Variants in ARAP3 observed in about 807,000 individuals in gnomAD.
ARAP3 encodes ArfGAP with RhoGAP domain, ankyrin repeat and PH domain 3.
ARAP3 carries 82 observed loss-of-function variants against 169.2 expected under a neutral mutation model. The observed-to-expected ratio is 0.48, with a 90% confidence interval of 0.41 to 0.58. The LOEUF is 0.58. ARAP3 is among the 20% of genes least tolerant of loss of function. The probability of loss-of-function intolerance (pLI) is 0.00; values close to 1 mark genes in which losing one functional copy is unlikely to be tolerated. For missense variants in ARAP3, 1,764 were observed against 2,018.0 expected, an observed-to-expected ratio of 0.87 and a Z score of 2.41; for synonymous variants, 791 against 800.3, an observed-to-expected ratio of 0.99 and a Z score of 0.20.
At chr5:141,661,491 A>G (rs2099909970) in intron 21 of ARAP3, among the ~76,000 whole-genome samples, 193 bp downstream of exon 21, 1 of 152,242 alleles carries the variant, frequency 6.6e-6, no homozygotes, top group Admixed American at 6.5e-5. Context: ...ACACAGCTAG[A>G]ATGACGGCAC....
At position 141,679,531 on chromosome 5, in the gene ARAP3, T is replaced by C. The variant is rs1200488362; in HGVS notation, c.698+14A>G. 6.2e-7 allele frequency: 1 copy of C among 1,611,716 alleles called. No individual in the cohort carries two copies. Among genetic ancestry groups the C allele is most frequent in the Non-Finnish European group, 8.5e-7 (1 of 1,178,718 alleles). On this transcript the variant is annotated intron_variant, in intron 4 of 32. Transcript: ENST00000239440. Reference sequence around the variant, plus strand: ...CTGCTCCTCCCTCCCACCACTTCCCTATTTAGTACTCACCTGTGTTCAGCC... The same window carrying C: ...CTGCTCCTCCCTCCCACCACTTCCCCATTTAGTACTCACCTGTGTTCAGCC...
intron 18 of ARAP3, 54 bp from the exon 19 acceptor site, chr5:141,665,139 G>A: frequency 6.3e-7 from 1 of 1,575,904 alleles, no homozygotes; most frequent in East Asian, 2.2e-5. Context: ...CAGATGCATG[G>A]GGACCAGACT....
At chr5:141,659,994 T>C (rs2099909719) in intron 21 of ARAP3, 68 bp from the exon 22 acceptor site, 1 of 1,497,910 alleles carries the variant, frequency 6.7e-7, no homozygotes, top group Non-Finnish European at 9.0e-7. Context: ...TGAGTCCCTA[T>C]TGTATGCCTG....
In ARAP3 at chr5:141,654,201, G is replaced by T; in HGVS notation, c.4384C>A (p.Pro1462Thr). The change falls in exon 33 of 33, where the codon CCA (proline) becomes ACA (threonine). Residue 1462 changes from proline to threonine, a missense_variant. Coordinates refer to ENST00000239440, the MANE Select transcript of ARAP3 (RefSeq NM_022481.6). Reference protein sequence around the residue: ...KSSTLGQEERPPEPPPGPPSK... With the variant: ...KSSTLGQEERTPEPPPGPPSK... Reference sequence around the variant, plus strand: ...GGGGGGCCTGGAGGGGGCTCAGGTGGCCTCTCCTCCTGGCCAAGGGTGCTT... The same window carrying T: ...GGGGGGCCTGGAGGGGGCTCAGGTGTCCTCTCCTCCTGGCCAAGGGTGCTT... 1 of 1,614,088 alleles carries T rather than the reference G, an allele frequency of 6.2e-7. No homozygotes were observed. The highest frequency in any genetic ancestry group is 8.5e-7 in the Non-Finnish European group (1 of 1,179,982).
chr5:141,655,875 T>A lies in ARAP3; in HGVS notation c.3966A>T (p.Lys1322Asn). Residue 1322 changes from lysine to asparagine, a missense_variant, in exon 30 of 33, where the codon AAA (lysine) becomes AAT (asparagine). Coordinates refer to ENST00000239440, the MANE Select transcript of ARAP3 (RefSeq NM_022481.6). The stretch of plus-strand genomic sequence containing the variant: ...GCCTTTTCTTTCCCCTCACCTGGGC[T>A]TTAAGGATGCTGGTGGTCCAATCCC... ...EMWDWTTSIL[K>N]AQHDDQQPVV... 6.2e-7 allele frequency: 1 copy of A among 1,613,998 alleles called. No homozygotes were observed. Among genetic ancestry groups the A allele is most frequent in the Non-Finnish European group, 8.5e-7 (1 of 1,179,916 alleles).
Position 141,672,842 on chromosome 5 carries a change from G to A in ARAP3, c.1177C>T (p.Pro393Ser), listed in dbSNP as rs1322561672. 6 of 1,611,728 alleles carry A rather than the reference G, an allele frequency of 3.7e-6. No individual in the cohort carries two copies. Among genetic ancestry groups the A allele is most frequent in the Non-Finnish European group, 5.1e-6 (6 of 1,179,020 alleles). Reference sequence around the variant, plus strand: ...AGCATGCCCGTGCGGAGGGGTCGGGGTGGTTGGGGGGGCCGGGGGTGGCCC... The same window carrying A: ...AGCATGCCCGTGCGGAGGGGTCGGGATGGTTGGGGGGGCCGGGGGTGGCCC... ...LLGHPRPPQP[P>S]RPLRTGMLEL... Residue 393 changes from proline (P) to serine (S), a missense_variant, in exon 8 of 33, where the codon CCC (proline) becomes TCC (serine). By Grantham distance (74) the Pro-to-Ser change is moderately conservative (BLOSUM62 -1). This residue lies in a region of ARAP3 where 630 missense variants were observed against 678.7 expected (regional missense o/e 0.93). Coordinates refer to ENST00000239440, the MANE Select transcript of ARAP3 (RefSeq NM_022481.6). This position sits in a 1 kb window ranked among gnomAD's most constrained non-coding sequence, Gnocchi z 4.9.
At position 141,680,377 on chromosome 5, in the gene ARAP3, C is replaced by T. The variant is rs147783211; in HGVS notation, c.110G>A (p.Arg37Gln). Reference protein sequence around the residue: ...RHGLATAGAARGLGHEELKQL... With the variant: ...RHGLATAGAAQGLGHEELKQL... The stretch of plus-strand genomic sequence containing the variant: ...CTTCAACTCCTCGTGGCCCAGGCCC[C>T]GGGCTGCACCTGCTGTAGCCAGGCC... Residue 37 changes from arginine (R) to glutamine (Q), a missense_variant, in exon 2 of 33, where the codon CGG (arginine) becomes CAG (glutamine). Around this residue, in one of 3 missense-constraint regions of ARAP3, gnomAD observed 630 missense variants for 678.7 expected, o/e 0.93. Coordinates refer to ENST00000239440, the MANE Select transcript of ARAP3 (RefSeq NM_022481.6). 2.0e-5 allele frequency: 33 copies of T among 1,614,046 alleles called. No homozygotes were observed. The highest frequency in any genetic ancestry group is 1.6e-4 in the Middle Eastern group (1 of 6,084).
chr5:141,670,414 T>G, intron 14 of ARAP3, 98 bp downstream of exon 14: 1 of 1,315,740 alleles, frequency 7.6e-7, no homozygotes, highest in Non-Finnish European at 1.1e-6. Flanking sequence ...ATGGCCCCAC[T>G]TTCCCATCCC....
Position 141,672,855 on chromosome 5 carries a change from C to A in ARAP3, c.1164G>T (p.Arg388=). The A allele has an allele frequency of 6.2e-7, 1 of 1,606,090 alleles. No homozygotes were observed. ...LKEQRLLGHP[R]PPQPPRPLRT... is the part of the protein sequence containing the mutation. Reference sequence around the variant, plus strand: ...GGAGGGGTCGGGGTGGTTGGGGGGGCCGGGGGTGGCCCAGGAGGCGCTGCT... The same window carrying A: ...GGAGGGGTCGGGGTGGTTGGGGGGGACGGGGGTGGCCCAGGAGGCGCTGCT... The change falls in exon 8 of 33, where the codon CGG becomes CGT. Residue 388 remains arginine (R), a synonymous_variant. Transcript: ENST00000239440. This position sits in a 1 kb window ranked among gnomAD's most constrained non-coding sequence, Gnocchi z 4.9.
At chr5:141,665,224 G>C in intron 18 of ARAP3, 87 bp downstream of exon 18, 2 of 1,574,518 alleles carry the variant, frequency 1.3e-6, no homozygotes, top group Non-Finnish European at 1.7e-6. Context: ...CTTTGAGGAA[G>C]TGGGCAATGG....
chr5:141,673,034 CGAA>C lies in ARAP3; in HGVS notation c.1069_1071del (p.Phe357del). 2 of 1,614,180 alleles carry C rather than the reference CGAA, an allele frequency of 1.2e-6. No individual in the cohort carries two copies. Among genetic ancestry groups the C allele is most frequent in the Non-Finnish European group, 1.7e-6 (2 of 1,180,038 alleles). ...TCACCCTCGCTCTCTGTGCGGAACA[CGAA>C]CACCCTCTGGCCGGTGATGACCTGG... On this transcript the variant is annotated inframe_deletion, in exon 7 of 33. Coordinates refer to ENST00000239440, the MANE Select transcript of ARAP3 (RefSeq NM_022481.6).
At position 141,671,169 on chromosome 5, in the gene ARAP3, T is replaced by G; in HGVS notation, c.1990+96A>C. 1 of 1,477,630 alleles carries G rather than the reference T, an allele frequency of 6.8e-7. No individual in the cohort carries two copies. The highest frequency in any genetic ancestry group is 9.1e-7 in the Non-Finnish European group (1 of 1,094,650). 91.5% of individuals were successfully genotyped at this position (1,477,630 alleles called of 1,614,324 possible). Reference sequence around the variant, plus strand: ...TTGGGAAACTGCCCAGGCTGGGCCATTGTGATCAGCTAATTGGGGCCCCTT... The same window carrying G: ...TTGGGAAACTGCCCAGGCTGGGCCAGTGTGATCAGCTAATTGGGGCCCCTT... On this transcript the variant is annotated intron_variant, in intron 13 of 32. Transcript: ENST00000239440. The surrounding 1 kb of genome is among the most constrained non-coding windows in gnomAD (Gnocchi z 4.9).
chr5:141,659,766 A>G lies in ARAP3; in HGVS notation c.3267+13T>C. The G allele has an allele frequency of 6.2e-7, 1 of 1,606,604 alleles. No individual in the cohort carries two copies. The highest frequency in any genetic ancestry group is 2.2e-5 in the East Asian group (1 of 44,604). On this transcript the variant is annotated intron_variant, in intron 22 of 32. Transcript: ENST00000239440. Reference sequence around the variant, plus strand: ...GGAAAGGGGTTGTGGGTTAGGGGTCAGGAAAGCCTTACATCAAAGACAGAG... The same window carrying G: ...GGAAAGGGGTTGTGGGTTAGGGGTCGGGAAAGCCTTACATCAAAGACAGAG...
intron 16 of ARAP3, 193 bp from the exon 17 acceptor site, chr5:141,666,836 A>G: frequency 2.4e-6 from 1 of 415,452 alleles, no homozygotes; most frequent in Non-Finnish European, 4.2e-6. Context: ...ATGGTTGGAG[A>G]AAGACAGGAA....
chr5:141,670,663 A>C, intron 13 of ARAP3, 35 bp from the exon 14 acceptor site: 1 of 1,578,360 alleles, frequency 6.3e-7, no homozygotes. Flanking sequence ...AGGTCAACCA[A>C]GTGCAACGGG....
Position 141,672,682 on chromosome 5 carries a change from T to A in ARAP3, c.1279-24A>T. ...GCCTGGTGGGGTCAGGGGGTGGGCA[T>A]CATGAGGTGCCAGAAGGGACTAGTT... is the stretch of plus-strand genomic sequence containing the variant. On this transcript the variant is annotated intron_variant, in intron 8 of 32. Transcript: ENST00000239440. This position sits in a 1 kb window ranked among gnomAD's most constrained non-coding sequence, Gnocchi z 4.9. The A allele has an allele frequency of 6.2e-7, 1 of 1,613,774 alleles. No homozygotes were observed. Among genetic ancestry groups the A allele is most frequent in the Non-Finnish European group, 8.5e-7 (1 of 1,179,796 alleles).
chr5:141,657,734 G>A (rs371221784), intron 25 of ARAP3, among the ~76,000 whole-genome samples: 2 of 152,208 alleles, frequency 1.3e-5, no homozygotes, highest in South Asian at 4.1e-4. Flanking sequence ...ACAAAGGGAG[G>A]AGTCCCAGAG....
rs778104329 is a variant in ARAP3 at position 141,680,324 on chromosome 5, G to T, written c.163C>A (p.Arg55=). 3.1e-6 allele frequency: 5 copies of T among 1,614,120 alleles called. No homozygotes were observed. Among genetic ancestry groups the T allele is most frequent in the Non-Finnish European group, 2.5e-6 (3 of 1,180,050 alleles). ...KQLGISATGH[R]KRILRLLQTG... ...TGTAGCAGGCGTAGAATGCGTTTCC[G>T]GTGCCCTGTGGCGCTGATGCCCAAC... is the stretch of plus-strand genomic sequence containing the variant. The change falls in exon 2 of 33, where the codon CGG becomes AGG. Residue 55 remains arginine, a synonymous_variant. Transcript: ENST00000239440.
At position 141,656,610 on chromosome 5, in the gene ARAP3, C is replaced by T; in HGVS notation, c.3683G>A (p.Gly1228Glu). Residue 1228 changes from glycine to glutamate, a missense_variant, in exon 27 of 33, where the codon GGG (glycine) becomes GAG (glutamate). Around this residue, in one of 3 missense-constraint regions of ARAP3, gnomAD observed 1,112 missense variants for 1,285.7 expected, o/e 0.86. Coordinates refer to ENST00000239440, the MANE Select transcript of ARAP3 (RefSeq NM_022481.6). ...TGGCTCCTCACGACACCGCAACAGC[C>T]CCACCCGTGGGCTCTCACGTCGGAT... ...TGIRRESPRV[G>E]LLRCREEPPR... is the part of the protein sequence containing the mutation. The T allele has an allele frequency of 6.2e-7, 1 of 1,613,360 alleles. No homozygotes were observed. The highest frequency in any genetic ancestry group is 8.5e-7 in the Non-Finnish European group (1 of 1,179,724).
Sources: gnomAD v4.1 joint callset for allele counts (sites outside exome capture counted in the v4.1 genomes callset) on GRCh38, gnomAD v4.1.1 for gene constraint, gnomAD v4.1.1 regional missense constraint, Gnocchi (gnomAD v3.1) non-coding constraint, MANE v1.5 for transcripts, NCBI Gene and HGNC (gene_info 2026-07-23, HGNC 2026-07-21) for gene names.